Variants in PDE1C observed in about 807,000 individuals in gnomAD.
The protein encoded by PDE1C is dual specificity calcium/calmodulin-dependent 3',5'-cyclic nucleotide phosphodiesterase 1C.
A neutral mutation model predicts 93.1 loss-of-function variants in PDE1C; 62 were observed. The ratio of observed to expected loss-of-function variants is 0.67; its 90% confidence interval spans 0.54 to 0.82. The LOEUF (loss-of-function observed/expected upper bound fraction) is 0.82, where lower values mean the gene tolerates loss of function less well. Ranked by LOEUF, PDE1C falls within the 40% of genes least tolerant of loss-of-function variation. The pLI is 0.00. For missense variants in PDE1C, 742 were observed against 884.6 expected (o/e 0.84, Z 2.04); for synonymous variants, 325 against 310.1 (o/e 1.05, Z -0.50).
intron 1 of PDE1C, among the ~76,000 whole-genome samples, chr7:32,354,658 C>G (rs566751295): frequency 1.8e-4 from 28 of 152,232 alleles, no homozygotes; most frequent in Admixed American, 1.0e-3. Flanking sequence ...TTTGGGAGGG[C>G]CACACAACCT....
chr7:31,881,833 G>A (rs894970204), intron 2 of PDE1C, among the ~76,000 whole-genome samples: 9 of 151,306 alleles, frequency 5.9e-5, no homozygotes, highest in South Asian at 2.1e-4. Context: ...TATGTGACTC[G>A]GTTGTTCTTT....
chr7:31,700,612 A>G, the PDE1C span, among the ~76,000 whole-genome samples: 1 of 152,188 alleles, frequency 6.6e-6, no homozygotes, highest in Non-Finnish European at 1.5e-5. Flanking sequence ...ACAGCCTTCT[A>G]TTGGAACAAG....
chr7:32,289,656 A>C (rs1369029375), intron 1 of PDE1C, among the ~76,000 whole-genome samples: 1 of 152,196 alleles, frequency 6.6e-6, no homozygotes, highest in Non-Finnish European at 1.5e-5. Flanking sequence ...CTGTAGTTGA[A>C]CTGCAATGAA....
intron 2 of PDE1C, among the ~76,000 whole-genome samples, chr7:31,883,486 T>C (rs1314283376): frequency 6.6e-6 from 1 of 152,252 alleles, no homozygotes; most frequent in African/African-American, 2.4e-5. Context: ...CGTCTCCTTT[T>C]ACTAGGACAA....
At chr7:31,878,267 C>G (rs531143019) in intron 4 of PDE1C, among the ~76,000 whole-genome samples, 2 of 152,220 alleles carry the variant, frequency 1.3e-5, no homozygotes, top group East Asian at 3.9e-4. Flanking sequence ...AAAAACCTAA[C>G]TCTATAGGCC....
intron 3 of PDE1C, among the ~76,000 whole-genome samples, chr7:32,091,308 T>A (rs1797457121): frequency 6.6e-6 from 1 of 152,206 alleles, no homozygotes; most frequent in Non-Finnish European, 1.5e-5. Context: ...AGATGTAATC[T>A]TCTCTGAGAC....
chr7:32,387,673 G>A (rs1191667093), intron 1 of PDE1C, among the ~76,000 whole-genome samples: 3 of 132,316 alleles, frequency 2.3e-5, no homozygotes, highest in African/African-American at 3.0e-5. Flanking sequence ...CTGGCCGGGC[G>A]GGGGGCTGAC....
intron 1 of PDE1C, among the ~76,000 whole-genome samples, chr7:32,293,803 T>A (rs1051222043): frequency 1.3e-5 from 2 of 152,148 alleles, no homozygotes. Flanking sequence ...CTGGAATCCT[T>A]ACTGGGTTCT....
intron 3 of PDE1C, among the ~76,000 whole-genome samples, chr7:32,132,250 G>T (rs1015912286): frequency 6.6e-6 from 1 of 152,096 alleles, no homozygotes; most frequent in Non-Finnish European, 1.5e-5. Context: ...ATCCAGGTGG[G>T]AGCCAGCCAT....
At chr7:31,822,713 C>T (rs1789128614) in intron 14 of PDE1C, among the ~76,000 whole-genome samples, 1 of 152,108 alleles carries the variant, frequency 6.6e-6, no homozygotes, top group Non-Finnish European at 1.5e-5. Context: ...CGGGTCTTTA[C>T]TTAGGTAAAA....
chr7:31,799,692 A>G (rs1584146755), intron 16 of PDE1C, among the ~76,000 whole-genome samples: 1 of 151,754 alleles, frequency 6.6e-6, no homozygotes, highest in Non-Finnish European at 1.5e-5. Flanking sequence ...GATTAGAGGC[A>G]AATTCCTATA....
intron 1 of PDE1C, among the ~76,000 whole-genome samples, chr7:32,274,284 T>C (rs994447716): frequency 4.0e-5 from 6 of 151,302 alleles, no homozygotes; most frequent in Non-Finnish European, 8.8e-5. Flanking sequence ...CACAGCTCAC[T>C]GCAGCCTTGA....
intron 3 of PDE1C, among the ~76,000 whole-genome samples, chr7:32,139,343 C>T (rs1563345358): frequency 8.3e-6 from 1 of 119,810 alleles, no homozygotes; most frequent in Non-Finnish European, 1.7e-5. Flanking sequence ...AATCTTGCTA[C>T]ATTGCCCAGG....
intron 1 of PDE1C, among the ~76,000 whole-genome samples, chr7:32,322,431 A>G (rs1018462423): frequency 1.3e-5 from 2 of 152,058 alleles, no homozygotes; most frequent in African/African-American, 2.4e-5. Flanking sequence ...GAAAGACGCC[A>G]TCTCTACACA....
At chr7:31,987,721 G>A (rs1425212266) in intron 2 of PDE1C, among the ~76,000 whole-genome samples, 1 of 152,136 alleles carries the variant, frequency 6.6e-6, no homozygotes, top group African/African-American at 2.4e-5. Flanking sequence ...CACAAAGTAG[G>A]ACTTAAAAGA....
intron 1 of PDE1C, among the ~76,000 whole-genome samples, chr7:32,426,832 A>T (rs1166858013): frequency 6.6e-6 from 1 of 152,198 alleles, no homozygotes; most frequent in Non-Finnish European, 1.5e-5. Context: ...TTAAACTGTA[A>T]GCCAGTCCCC....
intron 1 of PDE1C, among the ~76,000 whole-genome samples, chr7:32,356,874 A>G (rs1026018320): frequency 3.9e-5 from 6 of 152,126 alleles, no homozygotes; most frequent in Non-Finnish European, 2.9e-5. Context: ...AGTGAAATTC[A>G]TCCCCGGGTT....
intron 2 of PDE1C, among the ~76,000 whole-genome samples, chr7:31,941,938 T>C (rs928368830): frequency 1.3e-5 from 2 of 152,216 alleles, no homozygotes; most frequent in South Asian, 4.1e-4. Flanking sequence ...GATTCAATTA[T>C]ACAATAAATA....
At chr7:32,114,811 A>C (rs1315201222) in intron 3 of PDE1C, among the ~76,000 whole-genome samples, 1 of 106,396 alleles carries the variant, frequency 9.4e-6, no homozygotes, top group African/African-American at 3.7e-5. Flanking sequence ...AAAGAATATG[A>C]ACAGACACTT....
Sources: allele counts gnomAD v4.1 joint callset (sites outside exome capture counted in the v4.1 genomes callset), GRCh38; gene constraint gnomAD v4.1.1; transcripts MANE v1.5; gene names NCBI Gene and HGNC (gene_info 2026-07-23, HGNC 2026-07-21).